Variants in TMEM140 observed in about 807,000 individuals in gnomAD.
The protein encoded by TMEM140 is transmembrane protein 140.
For synonymous variants in TMEM140, 107 were observed against 106.8 expected (o/e 1.00, Z -0.01); for missense variants, 236 against 228.5 (o/e 1.03, Z -0.21).
intron 1 of TMEM140, among the ~76,000 whole-genome samples, chr7:135,160,947 G>A (rs1040280944): frequency 6.6e-6 from 1 of 152,172 alleles, no homozygotes; most frequent in African/African-American, 2.4e-5. Context: ...CTGGGGGGTG[G>A]CTGAGGATGG....
chr7:135,154,766 T>C (rs1033053190), intron 1 of TMEM140, among the ~76,000 whole-genome samples: 6 of 152,216 alleles, frequency 3.9e-5, no homozygotes, highest in African/African-American at 1.4e-4. Context: ...TTTGTGGCCT[T>C]ACATGTGATC....
At chr7:135,153,313 G>A (rs915527382) in intron 1 of TMEM140, among the ~76,000 whole-genome samples, 4 of 151,964 alleles carry the variant, frequency 2.6e-5, no homozygotes, top group African/African-American at 9.7e-5. Flanking sequence ...AATTAGCTGG[G>A]CATGGTGTCA....
rs1024429333 is a variant in TMEM140 at position 135,161,211 on chromosome 7, T to C, written c.-24-3207T>C. ...CATTAAAAGGTCAGTTGAGAGAAAA[T>C]GAGGAAGTCAAAACAAAGGCTCCTG... On this transcript the variant is annotated intron_variant, in intron 1 of 1. Transcript: ENST00000275767. This position sits in a 1 kb window ranked among gnomAD's most constrained non-coding sequence, Gnocchi z 4.1. 6.6e-6 allele frequency among the ~76,000 whole-genome samples: 1 copy of C among 152,032 alleles called. No individual in the cohort carries two copies. The highest frequency in any genetic ancestry group is 1.5e-5 in the Non-Finnish European group (1 of 68,022).
chr7:135,152,532 T>G (rs570316793), intron 1 of TMEM140, among the ~76,000 whole-genome samples: 2 of 152,260 alleles, frequency 1.3e-5, no homozygotes, highest in Non-Finnish European at 2.9e-5. Flanking sequence ...CCTACATGGT[T>G]GTAAGAAATT....
rs1020723194 is a variant in TMEM140 at position 135,151,235 on chromosome 7, C to T, written c.-25+2965C>T. On this transcript the variant is annotated intron_variant, in intron 1 of 1. Coordinates refer to ENST00000275767, the MANE Select transcript of TMEM140 (RefSeq NM_018295.5). This position sits in a 1 kb window ranked among gnomAD's most constrained non-coding sequence, Gnocchi z 4.3. Reference sequence around the variant, plus strand: ...AGAAAACACTGGTGAAATCCAGGAGCTGCCACCACCTACACACTGTTGAAA... The same window carrying T: ...AGAAAACACTGGTGAAATCCAGGAGTTGCCACCACCTACACACTGTTGAAA... 1.3e-5 allele frequency among the ~76,000 whole-genome samples: 2 copies of T among 152,194 alleles called. No homozygotes were observed. The highest frequency in any genetic ancestry group is 2.9e-5 in the Non-Finnish European group (2 of 68,032).
Position 135,165,055 on chromosome 7 carries a change from G to A in TMEM140, c.*56G>A. 1 of 1,502,842 alleles carries A rather than the reference G, an allele frequency of 6.7e-7. No individual in the cohort carries two copies. The allele number at this position is 1,502,842 out of a possible 1,614,324, so 93.1% of individuals were successfully genotyped here. A position where few individuals can be genotyped will look rare whatever the true frequency, so the allele number is the denominator to read the frequency against. ...AACCATGGTCAGAGGTGGCACATCT[G>A]CTCAGCCATCTCATTTTACAGCTAA... is the stretch of plus-strand genomic sequence containing the variant. On this transcript the variant is annotated 3_prime_UTR_variant, in exon 2 of 2. Transcript: ENST00000275767.
In TMEM140 at chr7:135,165,036, G is replaced by A. The variant is rs368957588; in HGVS notation, c.*37G>A. The A allele has an allele frequency of 2.2e-5, 34 of 1,525,754 alleles. No homozygotes were observed. The African/African-American group carries it at 4.3e-4, about 19-fold the overall frequency. The allele number at this position is 1,525,754 out of a possible 1,614,324, so 94.5% of individuals were successfully genotyped here. A position where few individuals can be genotyped will look rare whatever the true frequency, so the allele number is the denominator to read the frequency against. ...ATTGCAAGGGTTCAGTTCCAACCAT[G>A]GTCAGAGGTGGCACATCTGCTCAGC... On this transcript the variant is annotated 3_prime_UTR_variant, in exon 2 of 2. Coordinates refer to ENST00000275767, the MANE Select transcript of TMEM140 (RefSeq NM_018295.5).
In TMEM140 at chr7:135,148,244, T is replaced by C. The variant is rs1344211184; in HGVS notation, c.-51T>C. 5.1e-6 allele frequency: 2 copies of C among 395,246 alleles called. No homozygotes were observed. The highest frequency in any genetic ancestry group is 7.2e-5 in the East Asian group (1 of 13,976). The allele number at this position is 395,246 out of a possible 1,614,324, so 24.5% of individuals were successfully genotyped here. On this transcript the variant is annotated 5_prime_UTR_variant, in exon 1 of 2. Transcript: ENST00000275767. ...TTCCTGCTTCTCCTTTTCATGAGTG[T>C]TCCTGTGGTCTCTGCACCTCCTTTC...
At chr7:135,154,229 A>T (rs1473616533) in intron 1 of TMEM140, among the ~76,000 whole-genome samples, 3 of 152,084 alleles carry the variant, frequency 2.0e-5, no homozygotes, top group African/African-American at 4.8e-5. Context: ...TTCTTGGTTA[A>T]TCTAGCTAGT....
In TMEM140 at chr7:135,151,430, G is replaced by A. The variant is rs940178108; in HGVS notation, c.-25+3160G>A. Among the ~76,000 whole-genome samples the A allele has an allele frequency of 1.3e-5, 2 of 152,184 alleles. No homozygotes were observed. Among genetic ancestry groups the A allele is most frequent in the Non-Finnish European group, 2.9e-5 (2 of 68,030 alleles). On this transcript the variant is annotated intron_variant, in intron 1 of 1. Transcript: ENST00000275767. The surrounding 1 kb of genome is among the most constrained non-coding windows in gnomAD (Gnocchi z 4.3). ...TGTTCCACCAGAAATATTTTAGCCA[G>A]GACTGGTGGCCTCTGACAAGTAAAC...
intron 1 of TMEM140, among the ~76,000 whole-genome samples, chr7:135,160,948 C>T (rs1231899824): frequency 2.0e-5 from 3 of 152,096 alleles, no homozygotes; most frequent in African/African-American, 4.8e-5. Context: ...TGGGGGGTGG[C>T]TGAGGATGGG....
intron 1 of TMEM140, among the ~76,000 whole-genome samples, chr7:135,163,978 C>A (rs956758909): frequency 2.6e-5 from 4 of 152,256 alleles, no homozygotes; most frequent in African/African-American, 9.6e-5. Flanking sequence ...GTTGTCTTGG[C>A]AGCTGTGGTG....
intron 1 of TMEM140, among the ~76,000 whole-genome samples, chr7:135,159,061 G>T: frequency 6.6e-6 from 1 of 152,202 alleles, no homozygotes; most frequent in East Asian, 1.9e-4. Flanking sequence ...GCCCTAGGGG[G>T]TTCTCTCTTA....
intron 1 of TMEM140, among the ~76,000 whole-genome samples, chr7:135,162,816 T>C (rs746365384): frequency 1.3e-5 from 2 of 152,244 alleles, no homozygotes; most frequent in Admixed American, 6.5e-5. Context: ...TAAAATACAG[T>C]GTGCAGACCA....
Position 135,166,043 on chromosome 7 carries a change from A to G in TMEM140, c.*1044A>G, listed in dbSNP as rs1408421729. The G allele has an allele frequency of 6.6e-6, 1 of 152,168 alleles. No individual in the cohort carries two copies. The highest frequency in any genetic ancestry group is 1.5e-5 in the Non-Finnish European group (1 of 68,040). The allele number at this position is 152,168 out of a possible 1,614,324, so 9.4% of individuals were successfully genotyped here. A position where few individuals can be genotyped will look rare whatever the true frequency, so the allele number is the denominator to read the frequency against. ...GCCTGTCTGGCTTACCAGTCTATACACTGTGGCCTCAACCTCCCAGACAGG... is the reference window on the plus strand; with the variant it reads ...GCCTGTCTGGCTTACCAGTCTATACGCTGTGGCCTCAACCTCCCAGACAGG... On this transcript the variant is annotated 3_prime_UTR_variant, in exon 2 of 2. Coordinates refer to ENST00000275767, the MANE Select transcript of TMEM140 (RefSeq NM_018295.5).
chr7:135,163,280 G>C (rs1829994495), intron 1 of TMEM140, among the ~76,000 whole-genome samples: 1 of 152,164 alleles, frequency 6.6e-6, no homozygotes, highest in Non-Finnish European at 1.5e-5. Flanking sequence ...AGAAAATATT[G>C]GTAGAATATT....
intron 1 of TMEM140, among the ~76,000 whole-genome samples, chr7:135,149,118 C>T (rs3800594): frequency 0.068 from 10,391 of 152,244 alleles, 436 homozygotes; most frequent in East Asian, 0.19. Context: ...CCTTTCTCAA[C>T]TTTCTTTCCA....
At chr7:135,159,105 T>TC (rs1388004844) in intron 1 of TMEM140, among the ~76,000 whole-genome samples, 1 of 152,224 alleles carries the variant, frequency 6.6e-6, no homozygotes, top group East Asian at 1.9e-4. Context: ...CTCCCGACTC[T>TC]CAGTCGGTTC....
In TMEM140 at chr7:135,164,786, G is replaced by A; in HGVS notation, c.345G>A (p.Leu115=). 1 of 1,614,170 alleles carries A rather than the reference G, an allele frequency of 6.2e-7. No homozygotes were observed. The highest frequency in any genetic ancestry group is 1.1e-5 in the South Asian group (1 of 91,086). The change falls in exon 2 of 2, where the codon CTG becomes CTA. Residue 115 remains leucine, a synonymous_variant. Transcript: ENST00000275767. ...ACAGTGATGAGAGAGCGTGGCGGCT[G>A]GCAGTGGGCTTCCTGGCTGTGTCCT... ...QCNSDERAWR[L]AVGFLAVSSV... is the part of the protein sequence containing the mutation.
Sources: allele counts gnomAD v4.1 joint callset (sites outside exome capture counted in the v4.1 genomes callset), GRCh38; gene constraint gnomAD v4.1.1; non-coding constraint Gnocchi (gnomAD v3.1); transcripts MANE v1.5; gene names NCBI Gene and HGNC (gene_info 2026-07-23, HGNC 2026-07-21).